ZBTB14: variants seen among roughly 807,000 people sequenced by gnomAD.
The protein encoded by ZBTB14 is zinc finger and BTB domain-containing protein 14.
A neutral mutation model predicts 29.5 loss-of-function variants in ZBTB14; 8 were observed. That is an observed-to-expected ratio of 0.27 (90% confidence interval 0.16 to 0.49). The LOEUF is 0.49. Among genes scored for constraint, ZBTB14 ranks in the 20% least tolerant of loss-of-function variants. ZBTB14 has a pLI of 0.99. For missense variants in ZBTB14, 333 were observed against 563.8 expected (o/e 0.59, Z 4.15); for synonymous variants, 226 against 207.2 (o/e 1.09, Z -0.78).
rs1464426747 is a variant in ZBTB14, at chr18:5,295,080, G to C, written c.-112+572C>G. 3.3e-5 allele frequency among the ~76,000 whole-genome samples: 5 copies of C among 151,528 alleles called. No individual in the cohort carries two copies. The East Asian group carries it at 9.8e-4, about 30-fold the overall frequency. On this transcript the variant is annotated intron_variant, in intron 1 of 3. Transcript: ENST00000651870. The stretch of plus-strand genomic sequence containing the variant: ...TTTCCCTTTCATAATCAGACGTCGA[G>C]CGCAGGCTTGGGACCGCGGCTCGGA...
At chr18:5,296,624 T>C (rs1444479389), upstream of ZBTB14, among the ~76,000 whole-genome samples, 2 of 151,716 alleles carry the variant, frequency 1.3e-5, no homozygotes, top group African/African-American at 4.8e-5. Context: ...CGCCGGCACA[T>C]TGAGTTTGTG....
At chr18:5,295,583 G>A (rs2071939514) in intron 1 of ZBTB14, 69 bp downstream of exon 1, 3 of 144,762 alleles carry the variant, frequency 2.1e-5, no homozygotes, top group Admixed American at 1.4e-4. Flanking sequence ...CCCGCTCGCC[G>A]GCCCGCGCGG....
chr18:5,296,999 G>A (rs912638773), upstream of ZBTB14: 2 of 152,066 alleles, frequency 1.3e-5, no homozygotes, highest in African/African-American at 4.8e-5. Flanking sequence ...CCGCTCCCGC[G>A]TTTTCTGCTC....
intron 2 of ZBTB14, 98 bp downstream of exon 2, chr18:5,293,874 G>A (rs2071876985): frequency 6.6e-6 from 1 of 152,166 alleles, no homozygotes; most frequent in African/African-American, 2.4e-5. Flanking sequence ...ATACACGTTT[G>A]TTTTTAAGAT....
rs1454380693 is a variant in ZBTB14, at chr18:5,290,936, C to T, written c.1272G>A (p.Gln424=). The change falls in exon 4 of 4, where the codon CAG becomes CAA. Residue 424 remains glutamine (Q), a synonymous_variant. Coordinates refer to ENST00000651870, the MANE Select transcript of ZBTB14 (RefSeq NM_001243702.2). The part of the protein sequence containing the change: ...ERKQVTPSAI[Q]SETEQLQAAA... ...CCGCCTGCAACTGTTCTGTCTCGCT[C>T]TGGATGGCACTGGGGGTAACCTGCT... 1.2e-6 allele frequency: 2 copies of T among 1,614,170 alleles called. No homozygotes were observed. Among genetic ancestry groups the T allele is most frequent in the Non-Finnish European group, 1.7e-6 (2 of 1,180,064 alleles).
At chr18:5,293,567 G>A (rs1441825157) in intron 2 of ZBTB14, 5 of 270,660 alleles carry the variant, frequency 1.8e-5, no homozygotes, top group African/African-American at 8.6e-5. Flanking sequence ...ACTGGAAGGA[G>A]GGGTTGGAGA....
At chr18:5,295,737 C>CCCGCCAG (rs1182817723), upstream of ZBTB14, 4 of 151,444 alleles carry the variant, frequency 2.6e-5, no homozygotes, top group Non-Finnish European at 5.9e-5. Flanking sequence ...TCCGGGCCGC[C>CCCGCCAG]CCGCCAGCCG....
At position 5,289,162 on chromosome 18, in the gene ZBTB14, T is replaced by C. The variant is rs1389622412; in HGVS notation, c.*1696A>G. The C allele has an allele frequency of 6.6e-6, 1 of 152,216 alleles. No homozygotes were observed. The highest frequency in any genetic ancestry group is 1.5e-5 in the Non-Finnish European group (1 of 68,038). The allele number at this position is 152,216 out of a possible 1,614,324, so 9.4% of individuals were successfully genotyped here. The stretch of plus-strand genomic sequence containing the variant: ...GGAACGGCAATCAGTTCCCCTTCTA[T>C]AAGTAGCATAAAAACACAGTGACAG... On this transcript the variant is annotated 3_prime_UTR_variant, in exon 4 of 4. Transcript: ENST00000651870.
chr18:5,293,416 T>A, intron 2 of ZBTB14, 89 bp from the exon 3 acceptor site: 1 of 710,780 alleles, frequency 1.4e-6, no homozygotes, highest in Non-Finnish European at 2.3e-6. Flanking sequence ...AAATAAACTT[T>A]CTTGTTCCCT....
chr18:5,290,177 T>A lies in ZBTB14; in HGVS notation c.*681A>T, dbSNP rs2071779213. ...GCTCCAAGACCCCCCACCATCCCGGTGGGTTTGCTTGGCCTTTAGGATGTG... is the reference window on the plus strand; with the variant it reads ...GCTCCAAGACCCCCCACCATCCCGGAGGGTTTGCTTGGCCTTTAGGATGTG... On this transcript the variant is annotated 3_prime_UTR_variant, in exon 4 of 4. Coordinates refer to ENST00000651870, the MANE Select transcript of ZBTB14 (RefSeq NM_001243702.2). 1 of 152,148 alleles carries A rather than the reference T, an allele frequency of 6.6e-6. No homozygotes were observed. The highest frequency in any genetic ancestry group is 1.5e-5 in the Non-Finnish European group (1 of 68,054). The allele number at this position is 152,148 out of a possible 1,614,324, so 9.4% of individuals were successfully genotyped here.
chr18:5,289,367 T>C lies in ZBTB14; in HGVS notation c.*1491A>G, dbSNP rs1248776450. The C allele has an allele frequency of 1.3e-5, 2 of 152,236 alleles. No individual in the cohort carries two copies. Among genetic ancestry groups the C allele is most frequent in the African/African-American group, 4.8e-5 (2 of 41,472 alleles). 9.4% of individuals were successfully genotyped at this position (152,236 alleles called of 1,614,324 possible). A position where few individuals can be genotyped will look rare whatever the true frequency, so the allele number is the denominator to read the frequency against. On this transcript the variant is annotated 3_prime_UTR_variant, in exon 4 of 4. Coordinates refer to ENST00000651870, the MANE Select transcript of ZBTB14 (RefSeq NM_001243702.2). ...TTCACAATAGAATTACAGGTGTTAA[T>C]GCAACAAGCTATGAAGTGAAATTAC... is the stretch of plus-strand genomic sequence containing the variant.
rs982437687 is a variant in ZBTB14, at chr18:5,289,845, G to A, written c.*1013C>T. Reference sequence around the variant, plus strand: ...AAAGATTTTAAATTTATTAATTTAAGTAAGCATACTGCATCTCCTTTATGG... The same window carrying A: ...AAAGATTTTAAATTTATTAATTTAAATAAGCATACTGCATCTCCTTTATGG... On this transcript the variant is annotated 3_prime_UTR_variant, in exon 4 of 4. Transcript: ENST00000651870. The A allele has an allele frequency of 6.6e-6, 1 of 152,542 alleles. No homozygotes were observed. Among genetic ancestry groups the A allele is most frequent in the Non-Finnish European group, 1.5e-5 (1 of 68,026 alleles). The allele number at this position is 152,542 out of a possible 1,614,324, so 9.4% of individuals were successfully genotyped here.
chr18:5,292,463 ATTAAT>A (rs1414242689), intron 3 of ZBTB14, among the ~76,000 whole-genome samples: 2 of 152,198 alleles, frequency 1.3e-5, no homozygotes, highest in Non-Finnish European at 2.9e-5. Context: ...ACATGTTTTA[ATTAAT>A]TTAATATTCA....
In ZBTB14 at chr18:5,292,119, C is replaced by A. The variant is rs768293987; in HGVS notation, c.89G>T (p.Arg30Leu). 2 of 1,603,618 alleles carry A rather than the reference C, an allele frequency of 1.2e-6. No homozygotes were observed. The highest frequency in any genetic ancestry group is 1.7e-6 in the Non-Finnish European group (2 of 1,179,834). ...AATATCACAAAATTCTCCTTCCAGG[C>A]GTTGTTCATTTAGTGTTTTCAGAAA... ...TLFLKTLNEQ[R>L]LEGEFCDIAI... is the part of the protein sequence containing the mutation. Residue 30 changes from arginine to leucine, a missense_variant, in exon 4 of 4, where the codon CGC becomes CTC. Arg to Leu is a moderately radical substitution (Grantham distance 102). Transcript: ENST00000651870.
At chr18:5,295,328 G>A (rs1013864467) in intron 1 of ZBTB14, among the ~76,000 whole-genome samples, 106 of 143,870 alleles carry the variant, frequency 7.4e-4, no homozygotes, top group African/African-American at 2.6e-3. Flanking sequence ...CAAGCTCCGC[G>A]GGCGCACCCG....
rs755123733 is a variant in ZBTB14, at chr18:5,289,644, G to A, written c.*1214C>T. The A allele has an allele frequency of 2.6e-5, 4 of 152,260 alleles. No individual in the cohort carries two copies. Among genetic ancestry groups the A allele is most frequent in the Non-Finnish European group, 5.9e-5 (4 of 68,018 alleles). 9.4% of individuals were successfully genotyped at this position (152,260 alleles called of 1,614,324 possible). A position where few individuals can be genotyped will look rare whatever the true frequency, so the allele number is the denominator to read the frequency against. On this transcript the variant is annotated 3_prime_UTR_variant, in exon 4 of 4. Transcript: ENST00000651870. ...CAACTTCTATTTAAAACTGTAACCA[G>A]TGATGAAATATATTTCGAAAACATA...
chr18:5,293,554 G>A (rs564890240), intron 2 of ZBTB14: 4 of 288,456 alleles, frequency 1.4e-5, no homozygotes, highest in African/African-American at 8.5e-5. Context: ...CTGTGCCCTA[G>A]GAACTGGAAG....
chr18:5,292,310 G>A (rs1268391075), intron 3 of ZBTB14, 106 bp from the exon 4 acceptor site: 1 of 971,296 alleles, frequency 1.0e-6, no homozygotes. Flanking sequence ...AACAATTTCA[G>A]AAAGTCAATG....
At chr18:5,294,359 C>T (rs2071890708) in intron 1 of ZBTB14, among the ~76,000 whole-genome samples, 1 of 152,222 alleles carries the variant, frequency 6.6e-6, no homozygotes, top group Non-Finnish European at 1.5e-5. Context: ...CACTGTGACA[C>T]TTACTACTGT....
Sources: gnomAD v4.1 joint callset for allele counts (sites outside exome capture counted in the v4.1 genomes callset) on GRCh38, gnomAD v4.1.1 for gene constraint, MANE v1.5 for transcripts, NCBI Gene and HGNC (gene_info 2026-07-23, HGNC 2026-07-21) for gene names.